IFT88: variants seen among roughly 807,000 people sequenced by gnomAD.
IFT88 encodes intraflagellar transport protein 88 homolog.
A neutral mutation model predicts 119.5 loss-of-function variants in IFT88; 74 were observed. The ratio of observed to expected loss-of-function variants is 0.62; its 90% CI spans 0.51 to 0.75. The LOEUF (loss-of-function observed/expected upper bound fraction) is 0.75, where lower values mean the gene tolerates loss of function less well. Among genes scored for constraint, IFT88 ranks in the 30% least tolerant of loss-of-function variants. IFT88 has a pLI of 0.00. For synonymous variants in IFT88, 279 were observed against 316.7 expected (o/e 0.88, Z 1.26); for missense variants, 961 against 977.7 (o/e 0.98, Z 0.23).
intron 13 of IFT88, chr13:20,607,621 C>T: frequency 1.2e-6 from 1 of 806,818 alleles, no homozygotes; most frequent in Non-Finnish European, 2.2e-6. Flanking sequence ...GGCTGCCACG[C>T]TGTTTTTTTA....
At chr13:20,676,552 C>T (rs573884368) in intron 24 of IFT88, among the ~76,000 whole-genome samples, 1 of 152,364 alleles carries the variant, frequency 6.6e-6, no homozygotes, top group South Asian at 2.1e-4. Flanking sequence ...GCCTCAGTTT[C>T]TCCCTAACAC....
chr13:20,624,659 TTCTC>T (rs2047027175), intron 14 of IFT88, among the ~76,000 whole-genome samples: 1 of 152,028 alleles, frequency 6.6e-6, no homozygotes, highest in East Asian at 1.9e-4. Context: ...TTTATATAAA[TTCTC>T]TCTCTCTCAC....
At chr13:20,578,358 C>CTTTTT (rs1158499742) in intron 2 of IFT88, among the ~76,000 whole-genome samples, 10 of 78,740 alleles carry the variant, frequency 1.3e-4, no homozygotes, top group Non-Finnish European at 2.2e-4. Flanking sequence ...AGTCTTGTTA[C>CTTTTT]TTTTTTTTTT....
At position 20,664,649 on chromosome 13, in the gene IFT88, G is replaced by A. The variant is rs1228359752; in HGVS notation, c.2175+1045G>A. Among the ~76,000 whole-genome samples, 3 of 152,256 alleles carry A rather than the reference G, an allele frequency of 2.0e-5. No homozygotes were observed. In the East Asian group the frequency reaches 5.8e-4, roughly 29 times the overall value. The stretch of plus-strand genomic sequence containing the variant: ...GAGGTCTGTCAAAGCAAGAGTGTAT[G>A]TTTGGAATAGAGCAAAATGGGAAGA... On this transcript the variant is annotated intron_variant, in intron 23 of 25. Coordinates refer to ENST00000351808, the MANE Select transcript of IFT88 (RefSeq NM_006531.5).
At chr13:20,584,410 C>T (rs2039271107) in intron 3 of IFT88, among the ~76,000 whole-genome samples, 1 of 151,956 alleles carries the variant, frequency 6.6e-6, no homozygotes, top group Admixed American at 6.6e-5. Flanking sequence ...TTTTATTAGG[C>T]ATCAGAATAT....
chr13:20,596,471 A>G (rs943393857), intron 8 of IFT88, among the ~76,000 whole-genome samples: 2 of 152,146 alleles, frequency 1.3e-5, no homozygotes, highest in Non-Finnish European at 2.9e-5. Flanking sequence ...AGGGAAAAAA[A>G]TTCTAATGTA....
At chr13:20,649,764 A>G (rs963035429) in intron 20 of IFT88, among the ~76,000 whole-genome samples, 4 of 151,890 alleles carry the variant, frequency 2.6e-5, no homozygotes, top group Non-Finnish European at 5.9e-5. Flanking sequence ...AAGGACTAAC[A>G]AAAAAAAGAG....
intron 16 of IFT88, among the ~76,000 whole-genome samples, chr13:20,634,210 A>G (rs1008557784): frequency 2.0e-5 from 3 of 152,234 alleles, no homozygotes; most frequent in South Asian, 2.1e-4. Context: ...TTTGTTGAAC[A>G]AAACAAACAT....
At chr13:20,633,699 A>G (rs945859634) in intron 16 of IFT88, among the ~76,000 whole-genome samples, 3 of 152,192 alleles carry the variant, frequency 2.0e-5, no homozygotes, top group African/African-American at 4.8e-5. Context: ...GAGCTATTAG[A>G]GCATCTCATC....
At chr13:20,630,940 C>A in intron 15 of IFT88, 76 bp from the exon 16 acceptor site, 1 of 925,508 alleles carries the variant, frequency 1.1e-6, no homozygotes. Flanking sequence ...TTCAGGAACA[C>A]TGATCTTTTC....
intron 7 of IFT88, 73 bp downstream of exon 7, chr13:20,592,477 T>C (rs569037337): frequency 1.3e-6 from 1 of 774,304 alleles, no homozygotes; most frequent in East Asian, 3.8e-5. Context: ...AAATACACAA[T>C]TTTTTTTTTT....
intron 20 of IFT88, among the ~76,000 whole-genome samples, chr13:20,647,016 G>A (rs1394846934): frequency 6.6e-6 from 1 of 152,082 alleles, no homozygotes; most frequent in Admixed American, 6.5e-5. Flanking sequence ...AAATCTGTGT[G>A]ATATGAGCAC....
intron 13 of IFT88, among the ~76,000 whole-genome samples, chr13:20,609,219 A>G (rs1036178051): frequency 2.0e-5 from 3 of 152,214 alleles, no homozygotes; most frequent in African/African-American, 7.2e-5. Flanking sequence ...ACATTTGGGT[A>G]TTTAGTAGGA....
At chr13:20,670,494 T>A (rs1456980141) in intron 23 of IFT88, among the ~76,000 whole-genome samples, 4 of 151,586 alleles carry the variant, frequency 2.6e-5, no homozygotes, top group Admixed American at 2.0e-4. Context: ...ACTTTTATTT[T>A]ATAAATTGAA....
Position 20,643,333 on chromosome 13 carries a change from G to C in IFT88, c.1683-122G>C, listed in dbSNP as rs1215195959. On this transcript the variant is annotated intron_variant, in intron 18 of 25. Transcript: ENST00000351808. ...ATCTCCACCCCTGAGATATCCAGAGGAAACAGTATACAATAGCACATTACT... is the reference window on the plus strand; with the variant it reads ...ATCTCCACCCCTGAGATATCCAGAGCAAACAGTATACAATAGCACATTACT... 4.2e-6 allele frequency: 3 copies of C among 706,300 alleles called. No individual in the cohort carries two copies. In the East Asian group the frequency reaches 8.3e-5, roughly 19 times the overall value. The allele number at this position is 706,300 out of a possible 1,614,324, so 43.8% of individuals were successfully genotyped here.
chr13:20,620,446 T>A (rs1158409701), intron 14 of IFT88, among the ~76,000 whole-genome samples: 1 of 152,234 alleles, frequency 6.6e-6, no homozygotes, highest in Non-Finnish European at 1.5e-5. Flanking sequence ...TATCTGGTAG[T>A]GCTATGATCT....
Position 20,599,444 on chromosome 13 carries a change from A to T in IFT88, c.698-7A>T, listed in dbSNP as rs113493127. 1.3e-3 allele frequency: 1,392 copies of T among 1,047,428 alleles called. 4 individuals are homozygous for T. Among genetic ancestry groups the T allele is most frequent in the Non-Finnish European group, 1.9e-3 (1,311 of 698,300 alleles). The allele number at this position is 1,047,428 out of a possible 1,614,324, so 64.9% of individuals were successfully genotyped here. ...TATTATACATTCATTAAATTTTTTTAAATTAGGAATATTGAAAATGAATAT... is the reference window on the plus strand; with the variant it reads ...TATTATACATTCATTAAATTTTTTTTAATTAGGAATATTGAAAATGAATAT... On this transcript the variant is annotated splice_region_variant and splice_polypyrimidine_tract_variant and intron_variant, in intron 10 of 25. Coordinates refer to ENST00000351808, the MANE Select transcript of IFT88 (RefSeq NM_006531.5).
At chr13:20,607,218 GC>G in intron 13 of IFT88, 2 of 399,008 alleles carry the variant, frequency 5.0e-6, no homozygotes, top group Non-Finnish European at 5.1e-6. Context: ...CCCATCTCAG[GC>G]CCCGGGCCCA....
chr13:20,588,307 A>C (rs2040078005), intron 3 of IFT88, among the ~76,000 whole-genome samples: 1 of 151,948 alleles, frequency 6.6e-6, no homozygotes, highest in Non-Finnish European at 1.5e-5. Flanking sequence ...CGTTGCTATT[A>C]CTAATCTTTT....
Sources: allele counts gnomAD v4.1 joint callset (sites outside exome capture counted in the v4.1 genomes callset), GRCh38; gene constraint gnomAD v4.1.1; transcripts MANE v1.5; gene names NCBI Gene and HGNC (gene_info 2026-07-23, HGNC 2026-07-21).